Variants in COL19A1 observed in about 807,000 individuals in gnomAD.
COL19A1 encodes the protein collagen alpha-1(XIX) chain.
In COL19A1, 159 loss-of-function variants were observed where a neutral mutation model predicts 190.2. The observed-to-expected ratio is 0.84, with a 90% CI of 0.73 to 0.95. The LOEUF (loss-of-function observed/expected upper bound fraction) is 0.95, where lower values mean the gene tolerates loss of function less well. Ranked by LOEUF, COL19A1 falls within the 40% of genes least tolerant of loss-of-function variation. COL19A1 has a pLI of 0.00. For synonymous variants in COL19A1, 509 were observed against 458.9 expected, an observed-to-expected ratio of 1.11 and a Z score of -1.39; for missense variants, 1,418 against 1,431.9, an observed-to-expected ratio of 0.99 and a Z score of 0.16.
chr6:69,914,558 C>G (rs540778732), intron 4 of COL19A1, among the ~76,000 whole-genome samples: 1 of 152,278 alleles, frequency 6.6e-6, no homozygotes, highest in African/African-American at 2.4e-5. Flanking sequence ...ATTTGGAAGC[C>G]AGTTCTTGAT....
chr6:69,906,257 C>A (rs1332506826), intron 4 of COL19A1, among the ~76,000 whole-genome samples: 1 of 152,086 alleles, frequency 6.6e-6, no homozygotes, highest in Admixed American at 6.6e-5. Flanking sequence ...TCTGAAGGAG[C>A]AACACACTCA....
At position 69,924,102 on chromosome 6, in the gene COL19A1, C is replaced by A. The variant is rs562898251; in HGVS notation, c.267-3807C>A. On this transcript the variant is annotated intron_variant, in intron 4 of 50. Coordinates refer to ENST00000620364, the MANE Select transcript of COL19A1 (RefSeq NM_001858.6). ...TATATTATTTTAAATGTCTTCTTTTCTTTCTTCTTTTAAATTATACTTTAA... is the reference window on the plus strand; with the variant it reads ...TATATTATTTTAAATGTCTTCTTTTATTTCTTCTTTTAAATTATACTTTAA... Among the ~76,000 whole-genome samples the A allele has an allele frequency of 7.2e-4, 109 of 152,102 alleles. 4 individuals are homozygous for A. In the South Asian group the frequency reaches 0.023, roughly 32 times the overall value.
chr6:69,882,660 T>A (rs989598793), intron 2 of COL19A1, among the ~76,000 whole-genome samples: 3 of 152,186 alleles, frequency 2.0e-5, no homozygotes, highest in African/African-American at 7.2e-5. Context: ...AATAACACAT[T>A]TTCCTTTCAT....
chr6:70,082,305 GTC>G (rs1342396391), intron 15 of COL19A1, among the ~76,000 whole-genome samples: 1 of 152,134 alleles, frequency 6.6e-6, no homozygotes, highest in Non-Finnish European at 1.5e-5. Context: ...TATTCTGAGA[GTC>G]TAAAATTACT....
intron 7 of COL19A1, 72 bp downstream of exon 7, chr6:69,932,935 C>A: frequency 2.0e-6 from 2 of 1,002,456 alleles, no homozygotes; most frequent in Non-Finnish European, 1.5e-6. Context: ...TTTGTAGAGT[C>A]CAAATGTAGG....
intron 9 of COL19A1, among the ~76,000 whole-genome samples, chr6:69,940,950 C>T (rs937633680): frequency 3.3e-5 from 5 of 152,072 alleles, no homozygotes; most frequent in African/African-American, 1.2e-4. Context: ...GAAGGCTTTC[C>T]TTCATTTTTG....
At chr6:70,063,127 A>C (rs1410119071) in intron 14 of COL19A1, among the ~76,000 whole-genome samples, 1 of 152,142 alleles carries the variant, frequency 6.6e-6, no homozygotes, top group Non-Finnish European at 1.5e-5. Flanking sequence ...TGCACCAAGC[A>C]GACCTAATAC....
At chr6:70,036,873 T>G (rs1459428205) in intron 14 of COL19A1, among the ~76,000 whole-genome samples, 1 of 152,148 alleles carries the variant, frequency 6.6e-6, no homozygotes, top group Non-Finnish European at 1.5e-5. Context: ...CTGTGTGATT[T>G]TGATAATATT....
intron 36 of COL19A1, among the ~76,000 whole-genome samples, chr6:70,163,927 G>A (rs1517046): frequency 0.055 from 8,412 of 152,180 alleles, 431 homozygotes; most frequent in African/African-American, 0.13. Flanking sequence ...TCCTCACATA[G>A]TAGAAGGGTG....
chr6:69,891,086 C>T, intron 2 of COL19A1: 1 of 279,376 alleles, frequency 3.6e-6, no homozygotes. Context: ...AACAGACAAA[C>T]CCATTTGTTA....
At chr6:69,879,421 A>T in intron 1 of COL19A1, 115 bp from the exon 2 acceptor site, 2 of 622,982 alleles carry the variant, frequency 3.2e-6, no homozygotes, top group Non-Finnish European at 5.7e-6. Flanking sequence ...ATTTCCTGTT[A>T]TATGATGATA....
intron 44 of COL19A1, among the ~76,000 whole-genome samples, 191 bp downstream of exon 44, chr6:70,180,714 T>C (rs1374805196): frequency 6.6e-6 from 1 of 152,240 alleles, no homozygotes; most frequent in African/African-American, 2.4e-5. Flanking sequence ...GTGGTATCTT[T>C]ATGTCTTAAA....
intron 11 of COL19A1, among the ~76,000 whole-genome samples, chr6:70,006,628 A>T (rs1360888240): frequency 2.6e-5 from 4 of 152,236 alleles, no homozygotes; most frequent in African/African-American, 9.6e-5. Context: ...ATATTTAGAT[A>T]GATGACTATA....
intron 23 of COL19A1, among the ~76,000 whole-genome samples, chr6:70,143,649 C>G (rs571537100): frequency 1.6e-4 from 25 of 151,926 alleles, no homozygotes; most frequent in Non-Finnish European, 3.2e-4. Context: ...CTGCTTGGTA[C>G]TTTGAACACC....
At chr6:70,141,772 T>C in intron 20 of COL19A1, 121 bp from the exon 21 acceptor site, 1 of 656,426 alleles carries the variant, frequency 1.5e-6, no homozygotes, top group Non-Finnish European at 2.7e-6. Flanking sequence ...GATTTTATTG[T>C]GTCTTCCATA....
In COL19A1 at chr6:69,928,044, T is replaced by A. The variant is rs1317187436; in HGVS notation, c.390+12T>A. 1.9e-6 allele frequency: 3 copies of A among 1,610,326 alleles called. No individual in the cohort carries two copies. Among genetic ancestry groups the A allele is most frequent in the East Asian group, 2.2e-5 (1 of 44,776 alleles). On this transcript the variant is annotated intron_variant, in intron 5 of 50. Coordinates refer to ENST00000620364, the MANE Select transcript of COL19A1 (RefSeq NM_001858.6). ...AGAATATTCCACAGGTAAAGTACCA[T>A]TAGAGTTGTGCTCATTAGTTTTCCT...
At chr6:70,139,647 C>T (rs988432729) in intron 19 of COL19A1, among the ~76,000 whole-genome samples, 1 of 152,060 alleles carries the variant, frequency 6.6e-6, no homozygotes, top group African/African-American at 2.4e-5. Context: ...AAGGCCCAAA[C>T]AGAAGAGTAG....
chr6:69,895,685 G>A (rs1286124015), intron 2 of COL19A1, among the ~76,000 whole-genome samples: 2 of 152,274 alleles, frequency 1.3e-5, no homozygotes, highest in East Asian at 3.9e-4. Context: ...GGGCTGGTTG[G>A]AGTTTCTCCA....
At chr6:69,975,237 G>A (rs1425092210) in intron 11 of COL19A1, among the ~76,000 whole-genome samples, 1 of 152,188 alleles carries the variant, frequency 6.6e-6, no homozygotes, top group African/African-American at 2.4e-5. Flanking sequence ...TGGATCCCTT[G>A]TCTTCCTCAT....
Sources: gnomAD v4.1 joint callset for allele counts (sites outside exome capture counted in the v4.1 genomes callset) on GRCh38, gnomAD v4.1.1 for gene constraint, MANE v1.5 for transcripts, NCBI Gene and HGNC (gene_info 2026-07-23, HGNC 2026-07-21) for gene names.